TLL1: variants seen among roughly 807,000 people sequenced by gnomAD.
The protein encoded by TLL1 is tolloid-like protein 1.
Under a neutral mutation model 128.2 loss-of-function variants are expected in TLL1, and 49 were observed. That is an observed-to-expected ratio of 0.38 (90% CI 0.30 to 0.48). TLL1 has a LOEUF of 0.48. TLL1 is among the 20% of genes least tolerant of loss of function. TLL1 has a pLI of 0.96. For synonymous variants in TLL1, 454 were observed against 418.8 expected, an observed-to-expected ratio of 1.08 and a Z score of -1.03; for missense variants, 1,123 against 1,242.0, an observed-to-expected ratio of 0.90 and a Z score of 1.44.
chr4:166,044,056 A>G (rs1739355199), intron 12 of TLL1, among the ~76,000 whole-genome samples: 1 of 152,278 alleles, frequency 6.6e-6, no homozygotes, highest in Middle Eastern at 3.4e-3. Flanking sequence ...ACTGAGTTAA[A>G]CATTTAAAGC....
intron 6 of TLL1, among the ~76,000 whole-genome samples, chr4:166,004,100 A>G (rs910359942): frequency 6.6e-6 from 1 of 152,018 alleles, no homozygotes; most frequent in Non-Finnish European, 1.5e-5. Flanking sequence ...CTAAAGACAA[A>G]TTCTTAGGAA....
intron 1 of TLL1, among the ~76,000 whole-genome samples, chr4:165,986,472 G>C (rs1231934029): frequency 1.3e-5 from 2 of 151,904 alleles, no homozygotes; most frequent in African/African-American, 4.8e-5. Context: ...GATGTATATG[G>C]GCTACAGTGT....
intron 17 of TLL1, among the ~76,000 whole-genome samples, chr4:166,077,399 G>A (rs1741084892): frequency 6.6e-6 from 1 of 152,104 alleles, no homozygotes; most frequent in Non-Finnish European, 1.5e-5. Flanking sequence ...AAATTATGAT[G>A]TAGGTATTCA....
chr4:165,958,044 C>A (rs1734896524), intron 1 of TLL1, among the ~76,000 whole-genome samples: 1 of 150,938 alleles, frequency 6.6e-6, no homozygotes, highest in South Asian at 2.1e-4. Context: ...ATGAGCTCAT[C>A]ATTTTTTATG....
Position 166,052,965 on chromosome 4 carries a change from G to GTGTATATATATA in TLL1, c.1525-2110_1525-2109insGTATATATATAT. On this transcript the variant is annotated intron_variant, in intron 12 of 20. Transcript: ENST00000061240. ...TAAAGACTGAGATAAGAGGTTATGTGTATATATATATATATATTTGGCCAA... is the reference window on the plus strand; with the variant it reads ...TAAAGACTGAGATAAGAGGTTATGTGTGTATATATATATATATATATATATATATTTGGCCAA... Among the ~76,000 whole-genome samples the GTGTATATATATA allele has an allele frequency of 4.9e-3, 491 of 99,692 alleles. 78 individuals carry two copies. The highest frequency in any genetic ancestry group is 0.019 in the East Asian group (61 of 3,190). 65.4% of individuals were successfully genotyped at this position (99,692 alleles called of 152,430 possible).
At chr4:165,894,795 C>T (rs79621863) in intron 1 of TLL1, among the ~76,000 whole-genome samples, 2,038 of 150,114 alleles carry the variant, frequency 0.014, 23 homozygotes, top group Non-Finnish European at 0.021. Context: ...TCTGTTACTA[C>T]CTTTCTGGAG....
intron 1 of TLL1, among the ~76,000 whole-genome samples, chr4:165,916,419 T>C (rs1166967860): frequency 1.3e-5 from 2 of 152,198 alleles, no homozygotes; most frequent in Non-Finnish European, 2.9e-5. Flanking sequence ...ACGAAAAAGT[T>C]ACTGAACTCA....
At chr4:165,966,740 A>G (rs1189262017) in intron 1 of TLL1, among the ~76,000 whole-genome samples, 1 of 152,150 alleles carries the variant, frequency 6.6e-6, no homozygotes, top group Non-Finnish European at 1.5e-5. Flanking sequence ...CAAATAGGGT[A>G]TGGGTCACAG....
intron 1 of TLL1, among the ~76,000 whole-genome samples, chr4:165,956,148 A>G (rs1253898687): frequency 1.2e-4 from 19 of 152,232 alleles, no homozygotes; most frequent in Admixed American, 5.2e-4. Flanking sequence ...ACTGACAAGG[A>G]TCCAACAAAG....
At chr4:165,958,852 G>A (rs1193027665) in intron 1 of TLL1, among the ~76,000 whole-genome samples, 39 of 143,194 alleles carry the variant, frequency 2.7e-4, no homozygotes, top group African/African-American at 8.2e-4. Context: ...TAGGTCTAAC[G>A]TTTAAGTCTT....
intron 15 of TLL1, among the ~76,000 whole-genome samples, chr4:166,064,095 T>C (rs1740465929): frequency 6.6e-6 from 1 of 152,172 alleles, no homozygotes; most frequent in Non-Finnish European, 1.5e-5. Flanking sequence ...ACATTATGTG[T>C]AAGTTTTATA....
chr4:166,040,878 T>A (rs1739206206), intron 10 of TLL1, among the ~76,000 whole-genome samples: 1 of 152,226 alleles, frequency 6.6e-6, no homozygotes, highest in African/African-American at 2.4e-5. Flanking sequence ...ACTAAAACTA[T>A]GTATGCCATT....
At chr4:165,933,908 C>T (rs1013184498) in intron 1 of TLL1, among the ~76,000 whole-genome samples, 3 of 152,124 alleles carry the variant, frequency 2.0e-5, no homozygotes, top group African/African-American at 7.2e-5. Context: ...CCTCTTATCC[C>T]TCAAATTGTT....
At position 166,100,753 on chromosome 4, in the gene TLL1, G is replaced by A. The variant is rs761567115; in HGVS notation, c.2919G>A (p.Glu973=). The change falls in exon 21 of 21, where the codon GAG becomes GAA. Residue 973 remains glutamate (E), a synonymous_variant. Transcript: ENST00000061240. ...GRFCGSGPPE[E]IYSIGDSVLI... is the part of the protein sequence containing the mutation. ...TTGTTTTCCTTCAGCCACCAGAAGAGATTTATTCAATTGGAGATTCAGTTT... is the reference window on the plus strand; with the variant it reads ...TTGTTTTCCTTCAGCCACCAGAAGAAATTTATTCAATTGGAGATTCAGTTT... 4.3e-6 allele frequency: 7 copies of A among 1,612,746 alleles called. No individual in the cohort carries two copies. In the South Asian group the frequency reaches 7.7e-5, roughly 18 times the overall value.
At chr4:165,926,744 A>G (rs1733287156) in intron 1 of TLL1, among the ~76,000 whole-genome samples, 1 of 152,176 alleles carries the variant, frequency 6.6e-6, no homozygotes, top group African/African-American at 2.4e-5. Flanking sequence ...GTCAGGAGCT[A>G]GAAGCCAGAC....
At chr4:165,888,182 C>CT (rs1312770668) in intron 1 of TLL1, among the ~76,000 whole-genome samples, 1 of 152,120 alleles carries the variant, frequency 6.6e-6, no homozygotes, top group African/African-American at 2.4e-5. Context: ...GAAGTGCTGA[C>CT]TGAGGGCTAG....
intron 1 of TLL1, among the ~76,000 whole-genome samples, chr4:165,899,847 T>C (rs768979249): frequency 2.4e-4 from 37 of 152,208 alleles, no homozygotes; most frequent in Non-Finnish European, 4.6e-4. Flanking sequence ...TGTCATTGTG[T>C]AGGAGTCTAA....
intron 1 of TLL1, among the ~76,000 whole-genome samples, chr4:165,975,538 A>G (rs976794472): frequency 6.6e-6 from 1 of 152,226 alleles, no homozygotes; most frequent in Admixed American, 6.5e-5. Flanking sequence ...AATGTCTTCC[A>G]GCTCATTTTA....
chr4:166,078,220 G>A (rs1276139754), intron 18 of TLL1, among the ~76,000 whole-genome samples, 190 bp downstream of exon 18: 1 of 152,040 alleles, frequency 6.6e-6, no homozygotes, highest in Non-Finnish European at 1.5e-5. Context: ...CTGCCACGTT[G>A]TTCTCCTCTA....
Sources: gnomAD v4.1 joint callset for allele counts (sites outside exome capture counted in the v4.1 genomes callset) on GRCh38, gnomAD v4.1.1 for gene constraint, MANE v1.5 for transcripts, NCBI Gene and HGNC (gene_info 2026-07-23, HGNC 2026-07-21) for gene names.